LOC128706666: variants seen among roughly 807,000 people sequenced by gnomAD.
chr20:10,431,704 G>A, the LOC128706666 span: 1 of 152,100 alleles, frequency 6.6e-6, no homozygotes, highest in Non-Finnish European at 1.5e-5. Context: ...GTTACGGCAG[G>A]GAGTCAAGAT....
At chr20:10,431,157 CAT>C in the LOC128706666 span, among the ~76,000 whole-genome samples, 2 of 152,064 alleles carry the variant, frequency 1.3e-5, no homozygotes, top group African/African-American at 4.8e-5. Flanking sequence ...TTATACGAAT[CAT>C]ATATAAAAAT....
chr20:10,431,374 C>T, the LOC128706666 span, among the ~76,000 whole-genome samples: 1 of 152,234 alleles, frequency 6.6e-6, no homozygotes, highest in African/African-American at 2.4e-5. Context: ...CAAATGCTCA[C>T]TTAGTGTCTA....
chr20:10,413,937 AAAT>A, the LOC128706666 span: 3 of 405,820 alleles, frequency 7.4e-6, no homozygotes, highest in Non-Finnish European at 1.3e-5. Flanking sequence ...TTTACCTAAT[AAAT>A]AATAAAAAAA....
the LOC128706666 span, among the ~76,000 whole-genome samples, chr20:10,417,054 C>A: frequency 6.6e-6 from 1 of 151,952 alleles, no homozygotes; most frequent in African/African-American, 2.4e-5. Flanking sequence ...TAAAAGATCA[C>A]CTGGCCAACA....
At chr20:10,419,665 A>G in the LOC128706666 span, among the ~76,000 whole-genome samples, 21,919 of 152,186 alleles carry the variant, frequency 0.14, 1,780 homozygotes, top group East Asian at 0.24. Context: ...GTAAAGTAAC[A>G]GTTACCTGAA....
At chr20:10,428,413 C>G in the LOC128706666 span, among the ~76,000 whole-genome samples, 1 of 152,214 alleles carries the variant, frequency 6.6e-6, no homozygotes, top group Non-Finnish European at 1.5e-5. Flanking sequence ...TACCCTTCAT[C>G]ATTTTCAAGA....
At chr20:10,423,287 C>T in the LOC128706666 span, among the ~76,000 whole-genome samples, 6 of 152,090 alleles carry the variant, frequency 3.9e-5, no homozygotes, top group East Asian at 7.8e-4. Flanking sequence ...GGCATGGTGG[C>T]GCACGCCTGT....
the LOC128706666 span, among the ~76,000 whole-genome samples, chr20:10,416,225 A>C: frequency 1.3e-5 from 2 of 152,214 alleles, no homozygotes; most frequent in Non-Finnish European, 2.9e-5. Flanking sequence ...CTTCTAAATT[A>C]AGAGGTGCAC....
At chr20:10,434,061 G>C in the LOC128706666 span, 5 of 152,544 alleles carry the variant, frequency 3.3e-5, no homozygotes, top group Non-Finnish European at 7.3e-5. Context: ...CCTCTCTTCG[G>C]CCGGACACAA....
chr20:10,423,893 G>A, the LOC128706666 span, among the ~76,000 whole-genome samples: 1 of 152,148 alleles, frequency 6.6e-6, no homozygotes. Context: ...AAATGATGTA[G>A]ACTGATTTAA....
chr20:10,421,370 G>A, the LOC128706666 span, among the ~76,000 whole-genome samples: 1 of 146,356 alleles, frequency 6.8e-6, no homozygotes, highest in East Asian at 2.0e-4. Context: ...GTTGCAGTGA[G>A]CCAAGATCAT....
chr20:10,433,595 G>A, the LOC128706666 span, among the ~76,000 whole-genome samples: 9 of 152,178 alleles, frequency 5.9e-5, no homozygotes, highest in African/African-American at 2.2e-4. Context: ...ACCTTAGAGG[G>A]TCATCCCTAC....
At chr20:10,427,029 G>GACACACACACACACACACAC in the LOC128706666 span, among the ~76,000 whole-genome samples, 404 of 130,762 alleles carry the variant, frequency 3.1e-3, 4 homozygotes, top group Non-Finnish European at 4.7e-3. Flanking sequence ...AGAAAACACT[G>GACACACACACACACACACAC]ACACACACAC....
chr20:10,417,471 T>G, the LOC128706666 span, among the ~76,000 whole-genome samples: 166 of 152,170 alleles, frequency 1.1e-3, 1 homozygote, highest in African/African-American at 3.6e-3. Context: ...CTTAGCCAGG[T>G]GTGGTGGCGG....
chr20:10,427,514 T>C, the LOC128706666 span, among the ~76,000 whole-genome samples: 1 of 152,232 alleles, frequency 6.6e-6, no homozygotes, highest in African/African-American at 2.4e-5. Context: ...ACAATGACAA[T>C]GTTGGCTTTA....
the LOC128706666 span, among the ~76,000 whole-genome samples, chr20:10,430,560 C>T: frequency 6.6e-6 from 1 of 152,110 alleles, no homozygotes; most frequent in African/African-American, 2.4e-5. Context: ...GAAGTGGTCC[C>T]CATAAAGGAA....
the LOC128706666 span, among the ~76,000 whole-genome samples, chr20:10,415,760 A>AT: frequency 6.6e-6 from 1 of 152,246 alleles, no homozygotes; most frequent in East Asian, 1.9e-4. Context: ...TTCAATACTT[A>AT]ATAGTGTCAT....
the LOC128706666 span, among the ~76,000 whole-genome samples, chr20:10,419,943 T>A: frequency 6.6e-6 from 1 of 152,224 alleles, no homozygotes; most frequent in Non-Finnish European, 1.5e-5. Flanking sequence ...GGGAGACAAC[T>A]GCACTGCAAA....
the LOC128706666 span, among the ~76,000 whole-genome samples, chr20:10,425,873 A>G: frequency 6.6e-6 from 1 of 152,214 alleles, no homozygotes; most frequent in African/African-American, 2.4e-5. Flanking sequence ...TTCTTTAAAC[A>G]TATTTCTAAA....
Sources: allele counts gnomAD v4.1 joint callset (sites outside exome capture counted in the v4.1 genomes callset), GRCh38; gene constraint gnomAD v4.1.1; transcripts MANE v1.5.